The following CD247 variants were observed in gnomAD, a reference collection of about 807,000 sequenced individuals.
CD247 encodes T-cell surface glycoprotein CD3 zeta chain.
In CD247, 13 loss-of-function variants were observed where a neutral mutation model predicts 30.0. The observed-to-expected ratio is 0.43, with a 90% CI of 0.28 to 0.69. The LOEUF (loss-of-function observed/expected upper bound fraction) is 0.69. Ranked by LOEUF, CD247 falls within the 30% of genes least tolerant of loss-of-function variation. The probability of loss-of-function intolerance (pLI) is 0.16; values close to 1 mark genes in which losing one functional copy is unlikely to be tolerated. For synonymous variants in CD247, 72 were observed against 80.0 expected (o/e 0.90, Z 0.53); for missense variants, 193 against 212.6 (o/e 0.91, Z 0.57).
intron 1 of CD247, among the ~76,000 whole-genome samples, chr1:167,476,496 T>C (rs1653753141): frequency 6.6e-6 from 1 of 152,236 alleles, no homozygotes; most frequent in Non-Finnish European, 1.5e-5. Context: ...ATAGGATTCT[T>C]CTCTGTGATT....
chr1:167,494,604 T>C lies in CD247; in HGVS notation c.58+23804A>G, dbSNP rs1654603264. Among the ~76,000 whole-genome samples, 1 of 152,114 alleles carries C rather than the reference T, an allele frequency of 6.6e-6. No homozygotes were observed. The highest frequency in any genetic ancestry group is 2.4e-5 in the African/African-American group (1 of 41,418). On this transcript the variant is annotated intron_variant, in intron 1 of 7. Transcript: ENST00000362089. The surrounding 1 kb of genome is among the most constrained non-coding windows in gnomAD (Gnocchi z 7.3). ...ACAGCACCATTCAAAGCTACAGTGGTCTTATTGCTGTGTTTTCCTAATTGT... is the reference window on the plus strand; with the variant it reads ...ACAGCACCATTCAAAGCTACAGTGGCCTTATTGCTGTGTTTTCCTAATTGT...
intron 1 of CD247, among the ~76,000 whole-genome samples, chr1:167,498,781 C>A (rs1426371467): frequency 6.6e-6 from 1 of 152,212 alleles, no homozygotes; most frequent in Admixed American, 6.5e-5. Context: ...ATGCTCTTTG[C>A]ACTTTCTGCT....
At chr1:167,438,409 G>C (rs917730500) in intron 4 of CD247, among the ~76,000 whole-genome samples, 161 bp downstream of exon 4, 1 of 152,200 alleles carries the variant, frequency 6.6e-6, no homozygotes, top group African/African-American at 2.4e-5. Context: ...GGAAGGAAGA[G>C]GGTGCGGCAG....
At chr1:167,511,719 T>C (rs920596421) in intron 1 of CD247, among the ~76,000 whole-genome samples, 1 of 152,140 alleles carries the variant, frequency 6.6e-6, no homozygotes, top group Non-Finnish European at 1.5e-5. Flanking sequence ...TCTTTGGGTA[T>C]ATGATGGTGT....
intron 1 of CD247, among the ~76,000 whole-genome samples, chr1:167,455,712 C>G (rs936703941): frequency 1.3e-5 from 2 of 152,236 alleles, no homozygotes; most frequent in Non-Finnish European, 2.9e-5. Flanking sequence ...GCACCCGCCC[C>G]CAGGCCCCCG....
At chr1:167,455,760 G>A (rs868521360) in intron 1 of CD247, among the ~76,000 whole-genome samples, 69 of 152,312 alleles carry the variant, frequency 4.5e-4, no homozygotes, top group South Asian at 1.0e-3. Context: ...GCCGGGCTCC[G>A]GCGCTGGGGG....
chr1:167,460,914 A>G (rs1330975353), intron 1 of CD247, among the ~76,000 whole-genome samples: 1 of 152,226 alleles, frequency 6.6e-6, no homozygotes, highest in Non-Finnish European at 1.5e-5. Context: ...CATGCTGTCC[A>G]GGCAGCCAGA....
chr1:167,437,200 C>A (rs900321780), intron 4 of CD247, among the ~76,000 whole-genome samples: 2 of 151,918 alleles, frequency 1.3e-5, no homozygotes, highest in African/African-American at 4.8e-5. Context: ...GTCGAAAGTT[C>A]GAGACCAGCC....
At chr1:167,487,658 T>C (rs779986757) in intron 1 of CD247, among the ~76,000 whole-genome samples, 9 of 152,220 alleles carry the variant, frequency 5.9e-5, no homozygotes, top group Admixed American at 1.3e-4. Flanking sequence ...TGCCATTTCA[T>C]GACACAACAG....
chr1:167,506,289 T>TTTC (rs796684105), intron 1 of CD247, among the ~76,000 whole-genome samples: 9 of 11,920 alleles, frequency 7.6e-4, no homozygotes, highest in African/African-American at 4.0e-3. Flanking sequence ...TTTCTTTTCT[T>TTTC]TTTTCTTTTC....
At chr1:167,505,583 C>T (rs933036279) in intron 1 of CD247, among the ~76,000 whole-genome samples, 4 of 152,270 alleles carry the variant, frequency 2.6e-5, no homozygotes, top group Non-Finnish European at 4.4e-5. Flanking sequence ...CTGCCCCTCG[C>T]CCTCCGGCAG....
intron 1 of CD247, among the ~76,000 whole-genome samples, chr1:167,496,493 C>A (rs999136993): frequency 6.6e-6 from 1 of 152,198 alleles, no homozygotes; most frequent in African/African-American, 2.4e-5. Context: ...CAGCTTGTCT[C>A]CGGATCCTGA....
intron 1 of CD247, among the ~76,000 whole-genome samples, chr1:167,513,191 G>A (rs1655467038): frequency 6.6e-6 from 1 of 151,984 alleles, no homozygotes; most frequent in Admixed American, 6.5e-5. Context: ...CAATCACAAA[G>A]GCTAAACATG....
intron 1 of CD247, among the ~76,000 whole-genome samples, chr1:167,488,341 G>T (rs858548): frequency 0.92 from 140,895 of 152,348 alleles, 65,298 homozygotes; most frequent in East Asian, 1. Context: ...ATGATAGGTA[G>T]AAGGATGATT....
intron 4 of CD247, among the ~76,000 whole-genome samples, chr1:167,437,231 C>T (rs1461920214): frequency 6.6e-6 from 1 of 151,348 alleles, no homozygotes; most frequent in Non-Finnish European, 1.5e-5. Context: ...GGAGAAACCC[C>T]GTCTCTACTA....
rs982038133 is a variant in CD247, at chr1:167,489,109, C to G, written c.58+29299G>C. Among the ~76,000 whole-genome samples, 39 of 152,010 alleles carry G rather than the reference C, an allele frequency of 2.6e-4. 1 individual carries two copies. The highest frequency in any genetic ancestry group is 5.9e-5 in the Non-Finnish European group (4 of 67,978). On this transcript the variant is annotated intron_variant, in intron 1 of 7. Coordinates refer to ENST00000362089, the MANE Select transcript of CD247 (RefSeq NM_198053.3). ...CAGCAGACAAAAGACTAATAAAAAT[C>G]CGGGGCAGGAATTTCCCAAGAGGGA...
intron 2 of CD247, chr1:167,439,807 T>C: frequency 3.9e-6 from 1 of 258,018 alleles, no homozygotes; most frequent in Non-Finnish European, 7.7e-6. Context: ...CCGCCTCCTA[T>C]CTTGACCCCC....
At chr1:167,518,383 C>T (rs1354311320) in intron 1 of CD247, 25 bp downstream of exon 1, 2 of 1,613,072 alleles carry the variant, frequency 1.2e-6, no homozygotes, top group East Asian at 2.2e-5. Context: ...CTAGAAGTTC[C>T]CTGCCGTCGA....
At chr1:167,493,116 C>T (rs1292236827) in intron 1 of CD247, among the ~76,000 whole-genome samples, 1 of 135,508 alleles carries the variant, frequency 7.4e-6, no homozygotes, top group Non-Finnish European at 1.5e-5. Flanking sequence ...GATCTCGGCT[C>T]ACTGCAACTG....
Sources: gnomAD v4.1 joint callset for allele counts (sites outside exome capture counted in the v4.1 genomes callset) on GRCh38, gnomAD v4.1.1 for gene constraint, Gnocchi (gnomAD v3.1) non-coding constraint, MANE v1.5 for transcripts, NCBI Gene and HGNC (gene_info 2026-07-23, HGNC 2026-07-21) for gene names.